The following BTBD9 variants were observed in gnomAD, a reference collection of about 807,000 sequenced individuals.
The protein encoded by BTBD9 is BTB/POZ domain-containing protein 9.
BTBD9 carries 49 observed loss-of-function variants against 64.3 expected under a neutral mutation model. The observed-to-expected ratio is 0.76, with a 90% CI of 0.61 to 0.97. BTBD9 has a LOEUF of 0.97. Ranked by LOEUF, BTBD9 falls within the 50% of genes least tolerant of loss-of-function variation. The pLI, the probability that BTBD9 is intolerant of heterozygous loss-of-function variation, is 0.00. For missense variants in BTBD9, 598 were observed against 762.1 expected (o/e 0.78, Z 2.53); for synonymous variants, 260 against 274.7 (o/e 0.95, Z 0.53).
intron 6 of BTBD9, among the ~76,000 whole-genome samples, chr6:38,532,942 C>T (rs1010162820): frequency 9.9e-5 from 15 of 151,566 alleles, no homozygotes; most frequent in Admixed American, 3.9e-4. Flanking sequence ...GAGTAGAGCA[C>T]AAAGTGGGCA....
At chr6:38,414,360 C>T (rs1326907742) in intron 6 of BTBD9, among the ~76,000 whole-genome samples, 1 of 152,138 alleles carries the variant, frequency 6.6e-6, no homozygotes, top group Non-Finnish European at 1.5e-5. Flanking sequence ...GCATCTCATA[C>T]ATAATAGCTA....
At chr6:38,440,223 G>A (rs1016240990) in intron 6 of BTBD9, among the ~76,000 whole-genome samples, 5 of 152,140 alleles carry the variant, frequency 3.3e-5, no homozygotes, top group Non-Finnish European at 7.4e-5. Context: ...AAAGAAAAGA[G>A]GGTCACAGAT....
intron 1 of BTBD9, among the ~76,000 whole-genome samples, chr6:38,634,164 A>C (rs77756969): frequency 2.0e-5 from 3 of 152,342 alleles, no homozygotes; most frequent in African/African-American, 4.8e-5. Flanking sequence ...GCTCCAATTT[A>C]ACTCCAATTT....
In BTBD9 at chr6:38,288,325, T is replaced by C; in HGVS notation, c.1401A>G (p.Gly467=). Residue 467 remains glycine (G), a synonymous_variant, in exon 8 of 11, where the codon GGA becomes GGG. Transcript: ENST00000481247. ...WDSGYTCHQL[G]SGAIVVQLAQ... ...CCAACTGAACCACAATCGCACCACTTCCTAGCTGGTGACATGTGTAGCCAG... is the reference window on the plus strand; with the variant it reads ...CCAACTGAACCACAATCGCACCACTCCCTAGCTGGTGACATGTGTAGCCAG... The C allele has an allele frequency of 6.2e-7, 1 of 1,614,190 alleles. No individual in the cohort carries two copies. Among genetic ancestry groups the C allele is most frequent in the Non-Finnish European group, 8.5e-7 (1 of 1,180,022 alleles).
intron 6 of BTBD9, among the ~76,000 whole-genome samples, chr6:38,546,742 C>A (rs1331305914): frequency 2.0e-5 from 3 of 152,230 alleles, no homozygotes; most frequent in African/African-American, 7.2e-5. Context: ...GATCTTGGCT[C>A]ACCGCAACCT....
At chr6:38,551,226 A>G (rs1415364410) in intron 6 of BTBD9, among the ~76,000 whole-genome samples, 1 of 152,206 alleles carries the variant, frequency 6.6e-6, no homozygotes, top group African/African-American at 2.4e-5. Context: ...AATACCTACA[A>G]TACTCAGGTT....
chr6:38,452,594 G>A (rs903945818), intron 6 of BTBD9, among the ~76,000 whole-genome samples: 17 of 151,870 alleles, frequency 1.1e-4, no homozygotes, highest in Non-Finnish European at 2.1e-4. Context: ...ATGAATATAA[G>A]AGAAATTATG....
intron 9 of BTBD9, among the ~76,000 whole-genome samples, chr6:38,235,316 A>T (rs568413239): frequency 1.3e-5 from 2 of 152,320 alleles, no homozygotes; most frequent in Admixed American, 6.5e-5. Flanking sequence ...TCTTGAGAGA[A>T]GGTAGTCAAG....
intron 6 of BTBD9, among the ~76,000 whole-genome samples, chr6:38,456,017 T>C (rs952414126): frequency 6.6e-6 from 1 of 151,038 alleles, no homozygotes; most frequent in African/African-American, 2.4e-5. Context: ...AGAGTCTTGC[T>C]CTGTAGCCCA....
At chr6:38,592,482 C>T (rs1776842582) in intron 4 of BTBD9, 94 bp downstream of exon 4, 2 of 1,326,438 alleles carry the variant, frequency 1.5e-6, no homozygotes, top group Non-Finnish European at 2.1e-6. Context: ...TCATGTACAC[C>T]TGCACTACAC....
intron 1 of BTBD9, among the ~76,000 whole-genome samples, chr6:38,638,383 G>A (rs576024290): frequency 6.6e-6 from 1 of 152,316 alleles, no homozygotes; most frequent in African/African-American, 2.4e-5. Context: ...GGAGGCACAT[G>A]TATTAAGTAC....
At chr6:38,447,928 T>G (rs996603697) in intron 6 of BTBD9, among the ~76,000 whole-genome samples, 5 of 152,246 alleles carry the variant, frequency 3.3e-5, no homozygotes, top group African/African-American at 4.8e-5. Context: ...GAAAGATACG[T>G]GGACATTTGG....
intron 6 of BTBD9, among the ~76,000 whole-genome samples, chr6:38,532,580 T>C (rs1342887214): frequency 6.6e-6 from 1 of 152,018 alleles, no homozygotes; most frequent in Non-Finnish European, 1.5e-5. Context: ...GTCTTACATC[T>C]TGGATACCAG....
At position 38,580,204 on chromosome 6, in the gene BTBD9, T is replaced by C. The variant is rs371564417; in HGVS notation, c.1034+14A>G. The C allele has an allele frequency of 6.1e-5, 98 of 1,609,520 alleles. No individual in the cohort carries two copies. Among genetic ancestry groups the C allele is most frequent in the Non-Finnish European group, 1.9e-5 (22 of 1,176,012 alleles). Reference sequence around the variant, plus strand: ...AAACATAATGTCAGTTTCTAAGTCATGCTAATCACTTACCGGCTATCTCGG... The same window carrying C: ...AAACATAATGTCAGTTTCTAAGTCACGCTAATCACTTACCGGCTATCTCGG... On this transcript the variant is annotated intron_variant, in intron 5 of 10. Transcript: ENST00000481247.
At chr6:38,618,891 C>T (rs1029346918) in intron 1 of BTBD9, among the ~76,000 whole-genome samples, 14 of 152,076 alleles carry the variant, frequency 9.2e-5, no homozygotes, top group East Asian at 1.9e-4. Context: ...GAATGATAGC[C>T]GGAGAAAGGG....
chr6:38,316,432 T>C (rs1763031457), intron 7 of BTBD9, among the ~76,000 whole-genome samples: 1 of 152,234 alleles, frequency 6.6e-6, no homozygotes, highest in Non-Finnish European at 1.5e-5. Context: ...TATGTTTTAA[T>C]TTCTTGCTCT....
In BTBD9 at chr6:38,175,174, G is replaced by C. The variant is rs1235419152; in HGVS notation, c.1650C>G (p.His550Gln). ...GTHNTANEVF[H>Q]CVHFECPEQQ... ...GCTCTGGACACTCAAAGTGGACACA[G>C]TGGAACACCTGGGAGAGAAAAGGAA... Residue 550 changes from histidine to glutamine, a missense_variant, in exon 11 of 11, where the codon CAC becomes CAG. Transcript: ENST00000481247. The C allele has an allele frequency of 6.2e-7, 1 of 1,614,218 alleles. No individual in the cohort carries two copies. Among genetic ancestry groups the C allele is most frequent in the East Asian group, 2.2e-5 (1 of 44,880 alleles).
intron 9 of BTBD9, among the ~76,000 whole-genome samples, chr6:38,237,977 A>T (rs1373258808): frequency 1.3e-5 from 2 of 151,550 alleles, no homozygotes; most frequent in African/African-American, 2.4e-5. Flanking sequence ...GTCTCTATTT[A>T]AAAAAAATAG....
chr6:38,251,891 CAAAA>C (rs534067503), intron 9 of BTBD9, among the ~76,000 whole-genome samples: 2 of 73,140 alleles, frequency 2.7e-5, no homozygotes, highest in African/African-American at 6.1e-5. Context: ...GACTCTGTCT[CAAAA>C]AAAAAAAAAA....
Sources: gnomAD v4.1 joint callset for allele counts (sites outside exome capture counted in the v4.1 genomes callset) on GRCh38, gnomAD v4.1.1 for gene constraint, MANE v1.5 for transcripts, NCBI Gene and HGNC (gene_info 2026-07-23, HGNC 2026-07-21) for gene names.